The following ADCY2 variants were observed in gnomAD, a reference collection of about 807,000 sequenced individuals.
ADCY2 encodes the protein adenylate cyclase 2.
ADCY2 carries 31 observed loss-of-function variants against 125.2 expected under a neutral mutation model. That is an observed-to-expected ratio of 0.25 (90% CI 0.19 to 0.33). The LOEUF is 0.33. Among genes scored for constraint, ADCY2 ranks in the 10% least tolerant of loss-of-function variants. The pLI, the probability that ADCY2 is intolerant of heterozygous loss-of-function variation, is 1.00. For missense variants in ADCY2, 904 were observed against 1,418.2 expected, an observed-to-expected ratio of 0.64 and a Z score of 5.82; for synonymous variants, 512 against 548.4, an observed-to-expected ratio of 0.93 and a Z score of 0.93.
chr5:7,681,553 T>C (rs750820241), intron 4 of ADCY2, among the ~76,000 whole-genome samples: 24 of 152,124 alleles, frequency 1.6e-4, no homozygotes, highest in South Asian at 1.0e-3. Flanking sequence ...AGAAATGCAG[T>C]GCAGTTTTTT....
At chr5:7,650,779 T>C (rs1739060757) in intron 4 of ADCY2, among the ~76,000 whole-genome samples, 1 of 152,112 alleles carries the variant, frequency 6.6e-6, no homozygotes, top group Non-Finnish European at 1.5e-5. Flanking sequence ...AAAAAGAAAA[T>C]AGAGTTGAAC....
At chr5:7,712,796 C>A in intron 10 of ADCY2, 60 bp from the exon 11 acceptor site, 1 of 1,153,782 alleles carries the variant, frequency 8.7e-7, no homozygotes, top group Non-Finnish European at 1.3e-6. Flanking sequence ...ACCTAATTAT[C>A]ATTGCAACAT....
intron 1 of ADCY2, among the ~76,000 whole-genome samples, chr5:7,408,929 T>G (rs1410734161): frequency 6.6e-6 from 1 of 152,152 alleles, no homozygotes; most frequent in Non-Finnish European, 1.5e-5. Context: ...CACATTTATG[T>G]GAATATTCAT....
In ADCY2 at chr5:7,712,865, A is replaced by G. The variant is rs1363697285; in HGVS notation, c.1588A>G (p.Met530Val). 6.2e-7 allele frequency: 1 copy of G among 1,608,940 alleles called. No homozygotes were observed. The highest frequency in any genetic ancestry group is 1.3e-5 in the African/African-American group (1 of 74,774). ...TTTTTTCTCAATATAGGATGTACCC[A>G]TGGGTCAGCATAATTTTCAAAATCG... ...NGKISTTDVP[M>V]GQHNFQNRTL... is the part of the protein sequence containing the mutation. Residue 530 changes from methionine to valine, a missense_variant, in exon 11 of 25, where the codon ATG becomes GTG. Physicochemically the swap from Met to Val is conservative, Grantham distance 21. This residue lies in a region of ADCY2 where 144 missense variants were observed against 227.7 expected (regional missense o/e 0.63). Coordinates refer to ENST00000338316, the MANE Select transcript of ADCY2 (RefSeq NM_020546.3).
chr5:7,709,477 C>G lies in ADCY2; in HGVS notation c.1578+90C>G. On this transcript the variant is annotated intron_variant, in intron 10 of 24. Transcript: ENST00000338316. The surrounding 1 kb of genome is among the most constrained non-coding windows in gnomAD (Gnocchi z 4.4). ...CTGGGCATCTCCTGCCAAAATAACT[C>G]CTTTCTGTAAGAAACAAACTTATCA... is the stretch of plus-strand genomic sequence containing the variant. 7.2e-7 allele frequency: 1 copy of G among 1,394,684 alleles called. No individual in the cohort carries two copies. Among genetic ancestry groups the G allele is most frequent in the Non-Finnish European group, 9.5e-7 (1 of 1,054,028 alleles). The allele number at this position is 1,394,684 out of a possible 1,614,324, so 86.4% of individuals were successfully genotyped here.
intron 15 of ADCY2, among the ~76,000 whole-genome samples, chr5:7,744,224 G>A (rs983678126): frequency 3.3e-5 from 5 of 152,022 alleles, no homozygotes; most frequent in Non-Finnish European, 5.9e-5. Flanking sequence ...CCTGTTGGAG[G>A]GTGGGGGAAA....
intron 24 of ADCY2, among the ~76,000 whole-genome samples, chr5:7,823,696 GT>G (rs1327329806): frequency 6.6e-6 from 1 of 152,176 alleles, no homozygotes; most frequent in Admixed American, 6.5e-5. Context: ...ATTTATGGCA[GT>G]TTTTAATATG....
intron 24 of ADCY2, among the ~76,000 whole-genome samples, chr5:7,822,775 T>A (rs921986290): frequency 6.6e-6 from 1 of 152,172 alleles, no homozygotes; most frequent in Admixed American, 6.5e-5. Context: ...TGTCTCACTC[T>A]CAGAAAGCAG....
chr5:7,733,374 T>A (rs1742162113), intron 14 of ADCY2, among the ~76,000 whole-genome samples: 2 of 152,086 alleles, frequency 1.3e-5, no homozygotes, highest in African/African-American at 4.8e-5. Context: ...CGCTGCGGGA[T>A]TAGATATAAG....
At chr5:7,508,874 G>A (rs1184549130) in intron 2 of ADCY2, among the ~76,000 whole-genome samples, 2 of 152,196 alleles carry the variant, frequency 1.3e-5, no homozygotes, top group East Asian at 3.9e-4. Flanking sequence ...TAGGTACTGG[G>A]GGACACAGGA....
chr5:7,419,643 C>T (rs1404873860), intron 2 of ADCY2, among the ~76,000 whole-genome samples: 1 of 152,162 alleles, frequency 6.6e-6, no homozygotes, highest in Non-Finnish European at 1.5e-5. Flanking sequence ...AAACCACATT[C>T]AGACTGTCCT....
intron 3 of ADCY2, among the ~76,000 whole-genome samples, chr5:7,540,779 C>T (rs1734969834): frequency 6.6e-6 from 1 of 152,194 alleles, no homozygotes; most frequent in Admixed American, 6.5e-5. Context: ...TTCACTAAAG[C>T]ATTGCTGACT....
chr5:7,732,213 T>C (rs1287616903), intron 14 of ADCY2, among the ~76,000 whole-genome samples: 1 of 152,214 alleles, frequency 6.6e-6, no homozygotes, highest in East Asian at 1.9e-4. Context: ...CCTATTGGCA[T>C]GGAGCAAGAT....
chr5:7,822,134 G>A (rs905856069), intron 24 of ADCY2, among the ~76,000 whole-genome samples: 4 of 152,094 alleles, frequency 2.6e-5, no homozygotes, highest in Non-Finnish European at 5.9e-5. Context: ...ATAAAGAGGT[G>A]CATGTCATTA....
At chr5:7,799,325 A>T (rs1744522187) in intron 20 of ADCY2, 1 of 152,244 alleles carries the variant, frequency 6.6e-6, no homozygotes, top group South Asian at 2.1e-4. Context: ...ATGCAACCAC[A>T]TGAGGGAACC....
At chr5:7,771,844 A>G (rs1259424762) in intron 17 of ADCY2, among the ~76,000 whole-genome samples, 2 of 152,228 alleles carry the variant, frequency 1.3e-5, no homozygotes, top group African/African-American at 4.8e-5. Flanking sequence ...ATTTTTAAAG[A>G]CAAGGTTTAA....
intron 1 of ADCY2, among the ~76,000 whole-genome samples, chr5:7,399,986 A>G (rs2111435185): frequency 6.6e-6 from 1 of 151,076 alleles, no homozygotes; most frequent in South Asian, 2.1e-4. Context: ...ACTGGTTTTT[A>G]TTACTGAATG....
intron 7 of ADCY2, among the ~76,000 whole-genome samples, chr5:7,699,779 G>T (rs931898055): frequency 3.3e-5 from 5 of 152,044 alleles, no homozygotes; most frequent in Non-Finnish European, 5.9e-5. Flanking sequence ...GTAGAGACGG[G>T]GTGTCTCTGT....
chr5:7,766,125 C>T (rs1340569253), intron 16 of ADCY2, among the ~76,000 whole-genome samples: 1 of 152,000 alleles, frequency 6.6e-6, no homozygotes, highest in East Asian at 1.9e-4. Flanking sequence ...AGAGAACATC[C>T]ATCCTTTTAA....
Sources: gnomAD v4.1 joint callset for allele counts (sites outside exome capture counted in the v4.1 genomes callset) on GRCh38, gnomAD v4.1.1 for gene constraint, gnomAD v4.1.1 regional missense constraint, Gnocchi (gnomAD v3.1) non-coding constraint, MANE v1.5 for transcripts, NCBI Gene and HGNC (gene_info 2026-07-23, HGNC 2026-07-21) for gene names.